The following BID variants were observed in gnomAD, a reference collection of about 807,000 sequenced individuals.
BID encodes BH3 interacting domain death agonist, also known as BH3-interacting domain death agonist.
Under a neutral mutation model 17.4 loss-of-function variants are expected in BID, and 19 were observed. The observed-to-expected ratio is 1.09, with a 90% CI of 0.76 to 1.60. BID has a LOEUF of 1.60. Ranked by LOEUF, BID falls within the 40% of genes most tolerant of loss-of-function variation. The pLI is 0.00. For missense variants in BID, 226 were observed against 256.0 expected (o/e 0.88, Z 0.80); for synonymous variants, 108 against 102.8 (o/e 1.05, Z -0.31).
chr22:17,745,551 G>C (rs889666492), intron 2 of BID, among the ~76,000 whole-genome samples: 1 of 152,074 alleles, frequency 6.6e-6, no homozygotes, highest in Non-Finnish European at 1.5e-5. Flanking sequence ...TCATGAGACT[G>C]AGGCGGGAAG....
chr22:17,754,881 T>C (rs779510612), intron 1 of BID, among the ~76,000 whole-genome samples: 27 of 149,296 alleles, frequency 1.8e-4, no homozygotes, highest in Non-Finnish European at 3.1e-4. Flanking sequence ...TCTCCTGCCT[T>C]AGCCTCCTGA....
At chr22:17,744,440 G>T (rs2061482384) in intron 2 of BID, among the ~76,000 whole-genome samples, 1 of 152,218 alleles carries the variant, frequency 6.6e-6, no homozygotes, top group African/African-American at 2.4e-5. Flanking sequence ...ACCTTTCCTG[G>T]CTGTGCTTCC....
chr22:17,744,359 G>A (rs1569040647), intron 2 of BID, among the ~76,000 whole-genome samples: 4 of 152,218 alleles, frequency 2.6e-5, no homozygotes, highest in African/African-American at 4.8e-5. Flanking sequence ...AGTGTCATGC[G>A]GGCATCATCC....
At chr22:17,757,402 CAAAAAAAAAAAA>C (rs34545330) in intron 1 of BID, among the ~76,000 whole-genome samples, 1 of 61,046 alleles carries the variant, frequency 1.6e-5, no homozygotes. Context: ...GACCCTGTCC[CAAAAAAAAAAAA>C]AAAAAAAAAA....
At position 17,773,645 on chromosome 22, in the gene BID, C is replaced by G. The variant is rs2061737410; in HGVS notation, c.-59+736G>C. ...CTGTGCTCCTCCAGCCGGCCCGGCC[C>G]CTCGCTGCCCACCGAGCCATCATGA... On this transcript the variant is annotated intron_variant, in intron 1 of 5. Transcript: ENST00000622694. The surrounding 1 kb of genome is among the most constrained non-coding windows in gnomAD (Gnocchi z 4.4). The G allele has an allele frequency of 6.2e-7, 1 of 1,612,100 alleles. No homozygotes were observed. Among genetic ancestry groups the G allele is most frequent in the Non-Finnish European group, 8.5e-7 (1 of 1,179,986 alleles).
rs776401503 is a variant in BID at position 17,735,725 on chromosome 22, C to A, written c.577-134G>T. 1.3e-4 allele frequency: 146 copies of A among 1,084,646 alleles called. 1 individual carries two copies. Among genetic ancestry groups the A allele is most frequent in the Middle Eastern group, 7.4e-4 (3 of 4,052 alleles). The allele number at this position is 1,084,646 out of a possible 1,614,324, so 67.2% of individuals were successfully genotyped here. A position where few individuals can be genotyped will look rare whatever the true frequency, so the allele number is the denominator to read the frequency against. ...TTCTCCAGACCCCTGAAGTCCTATC[C>A]GTGCATCCTACTTTTTGCTACATGG... is the stretch of plus-strand genomic sequence containing the variant. On this transcript the variant is annotated intron_variant, in intron 5 of 5. Coordinates refer to ENST00000622694, the MANE Select transcript of BID (RefSeq NM_001196.4).
In BID at chr22:17,736,423, C is replaced by T. The variant is rs150326242; in HGVS notation, c.577-832G>A. On this transcript the variant is annotated intron_variant, in intron 5 of 5. Coordinates refer to ENST00000622694, the MANE Select transcript of BID (RefSeq NM_001196.4). ...GGTGAGCTGAGATCGTGCCATTGCA[C>T]TCCAGCCTGGGCAACAAGAGCAAAA... Among the ~76,000 whole-genome samples the T allele has an allele frequency of 5.7e-3, 842 of 148,466 alleles. 10 individuals carry two copies. Among genetic ancestry groups the T allele is most frequent in the African/African-American group, 0.02 (807 of 39,946 alleles).
At chr22:17,758,434 C>T (rs1426289704) in intron 1 of BID, among the ~76,000 whole-genome samples, 1 of 152,206 alleles carries the variant, frequency 6.6e-6, no homozygotes, top group African/African-American at 2.4e-5. Context: ...TACCATTTGA[C>T]CTAGAATTCA....
intron 1 of BID, among the ~76,000 whole-genome samples, chr22:17,763,675 C>T (rs200569725): frequency 1.3e-5 from 2 of 151,974 alleles, no homozygotes; most frequent in Admixed American, 6.6e-5. Context: ...CACAGCCACT[C>T]GCGCCCTTCT....
rs967382994 is a variant in BID, at chr22:17,773,648, C to G, written c.-59+733G>C. On this transcript the variant is annotated intron_variant, in intron 1 of 5. Coordinates refer to ENST00000622694, the MANE Select transcript of BID (RefSeq NM_001196.4). The surrounding 1 kb of genome is among the most constrained non-coding windows in gnomAD (Gnocchi z 4.4). ...TGCTCCTCCAGCCGGCCCGGCCCCT[C>G]GCTGCCCACCGAGCCATCATGACCC... 3 of 1,611,914 alleles carry G rather than the reference C, an allele frequency of 1.9e-6. No homozygotes were observed. The highest frequency in any genetic ancestry group is 2.7e-5 in the African/African-American group (2 of 75,050).
chr22:17,752,705 G>A (rs373518513), intron 1 of BID, among the ~76,000 whole-genome samples: 7 of 151,380 alleles, frequency 4.6e-5, no homozygotes, highest in South Asian at 4.2e-4. Context: ...TCACTGTGTC[G>A]CCCAGGCTGG....
Position 17,739,461 on chromosome 22 carries a change from C to T in BID, c.251G>A (p.Arg84Gln), listed in dbSNP as rs777997323. The T allele has an allele frequency of 1.5e-5, 24 of 1,612,244 alleles. No individual in the cohort carries two copies. The highest frequency in any genetic ancestry group is 2.7e-5 in the African/African-American group (2 of 74,940). ...ADSESQEDII[R>Q]NIARHLAQVG... is the part of the protein sequence containing the mutation. ...CTGGGCGAGGTGCCTGGCAATATTC[C>T]GGATGATGTCTTCTTGACTTTCAGA... The change falls in exon 4 of 6, where the codon CGG becomes CAG. Residue 84 changes from arginine to glutamine, a missense_variant. Transcript: ENST00000622694.
At chr22:17,755,082 CTTTTTTTTTTT>C (rs59654004) in intron 1 of BID, among the ~76,000 whole-genome samples, 1 of 99,254 alleles carries the variant, frequency 1.0e-5, no homozygotes, top group East Asian at 3.3e-4. Context: ...TTTTTCTTTT[CTTTTTTTTTTT>C]TTTTTTTTTG....
At position 17,734,658 on chromosome 22, in the gene BID, G is replaced by C. The variant is rs769682071; in HGVS notation, c.*922C>G. The C allele has an allele frequency of 5.3e-5, 8 of 152,322 alleles. No homozygotes were observed. Among genetic ancestry groups the C allele is most frequent in the Non-Finnish European group, 5.9e-5 (4 of 68,034 alleles). 9.4% of individuals were successfully genotyped at this position (152,322 alleles called of 1,614,324 possible). ...TTTCATCTTTTATGCTTAGAAACCT[G>C]TTCTCTCCAGATGCACTTCTGAGGC... On this transcript the variant is annotated 3_prime_UTR_variant, in exon 6 of 6. Coordinates refer to ENST00000622694, the MANE Select transcript of BID (RefSeq NM_001196.4).
intron 3 of BID, among the ~76,000 whole-genome samples, chr22:17,741,972 G>T (rs1406818881): frequency 6.6e-6 from 1 of 152,196 alleles, no homozygotes; most frequent in Non-Finnish European, 1.5e-5. Flanking sequence ...CACCGAATCT[G>T]TGCCTCGCTC....
rs1158587196 is a variant in BID at position 17,769,616 on chromosome 22, G to T, written c.-59+4765C>A. The stretch of plus-strand genomic sequence containing the variant: ...ACAGCAAGGAAGTGCCTGCTGGAAG[G>T]ATCCTGGGGACAGTTGTTAAGGCAA... On this transcript the variant is annotated intron_variant, in intron 1 of 5. Coordinates refer to ENST00000622694, the MANE Select transcript of BID (RefSeq NM_001196.4). This position sits in a 1 kb window ranked among gnomAD's most constrained non-coding sequence, Gnocchi z 4.8. Among the ~76,000 whole-genome samples, 1 of 152,202 alleles carries T rather than the reference G, an allele frequency of 6.6e-6. No homozygotes were observed.
At chr22:17,754,782 G>C (rs1006301771) in intron 1 of BID, among the ~76,000 whole-genome samples, 3 of 151,798 alleles carry the variant, frequency 2.0e-5, no homozygotes, top group Admixed American at 2.0e-4. Context: ...GTTTTTTTTG[G>C]AGACAGAGTC....
At chr22:17,768,252 T>C (rs1291064547) in intron 1 of BID, among the ~76,000 whole-genome samples, 1 of 152,210 alleles carries the variant, frequency 6.6e-6, no homozygotes, top group African/African-American at 2.4e-5. Flanking sequence ...TTTTATGGCA[T>C]GTGCAGTATG....
chr22:17,753,200 T>C (rs532136440), intron 1 of BID, among the ~76,000 whole-genome samples: 124 of 152,008 alleles, frequency 8.2e-4, no homozygotes, highest in African/African-American at 2.8e-3. Context: ...TCTCCTGACC[T>C]CATGATCCGC....
Sources: gnomAD v4.1 joint callset for allele counts (sites outside exome capture counted in the v4.1 genomes callset) on GRCh38, gnomAD v4.1.1 for gene constraint, Gnocchi (gnomAD v3.1) non-coding constraint, MANE v1.5 for transcripts, NCBI Gene and HGNC (gene_info 2026-07-23, HGNC 2026-07-21) for gene names.